Variants in MRPS25 observed in about 807,000 individuals in gnomAD.
MRPS25 encodes the protein mitochondrial ribosomal protein S25.
In MRPS25, 15 loss-of-function variants were observed where a neutral mutation model predicts 17.3. The observed-to-expected ratio is 0.87, with a 90% CI of 0.58 to 1.34. MRPS25 has a LOEUF of 1.34. Ranked by LOEUF, MRPS25 falls within the 40% of genes most tolerant of loss-of-function variation. The pLI, the probability that MRPS25 is intolerant of heterozygous loss-of-function variation, is 0.00. For missense variants in MRPS25, 225 were observed against 218.6 expected (o/e 1.03, Z -0.19); for synonymous variants, 94 against 83.3 (o/e 1.13, Z -0.70).
In MRPS25 at chr3:15,065,268, G is replaced by C; in HGVS notation, c.-74C>G. The C allele has an allele frequency of 2.1e-6, 3 of 1,462,204 alleles. No individual in the cohort carries two copies. The highest frequency in any genetic ancestry group is 2.7e-6 in the Non-Finnish European group (3 of 1,105,506). 90.6% of individuals were successfully genotyped at this position (1,462,204 alleles called of 1,614,324 possible). ...GACGAGAAAGGACTAGCTAGCACCC[G>C]CGCGGATCTCACGCGGCTTCTCCCC... On this transcript the variant is annotated 5_prime_UTR_variant, in exon 1 of 4. Coordinates refer to ENST00000253686, the MANE Select transcript of MRPS25 (RefSeq NM_022497.5).
chr3:15,044,513 A>C (rs1353751828), downstream of MRPS25: 1 of 152,250 alleles, frequency 6.6e-6, no homozygotes, highest in Non-Finnish European at 1.5e-5. Flanking sequence ...ACGGATGTGA[A>C]TATATAGCAA....
chr3:15,057,908 A>G (rs1332306279), intron 2 of MRPS25, among the ~76,000 whole-genome samples: 1 of 152,126 alleles, frequency 6.6e-6, no homozygotes, highest in Non-Finnish European at 1.5e-5. Flanking sequence ...TTTATTAGAC[A>G]GTGTCTCACT....
rs2042632685 is a variant in MRPS25 at position 15,053,452 on chromosome 3, A to ATT, written c.256_257insAA (p.Val86GlufsTer75). The ATT allele has an allele frequency of 1.9e-6, 3 of 1,614,160 alleles. No homozygotes were observed. The highest frequency in any genetic ancestry group is 2.5e-6 in the Non-Finnish European group (3 of 1,180,032). On this transcript the variant is annotated frameshift_variant, in exon 3 of 4. Coordinates refer to ENST00000253686, the MANE Select transcript of MRPS25 (RefSeq NM_022497.5). LOFTEE classifies it high-confidence loss of function. ...GCTCTTGGTCTCCACATCCACCAGG[A>ATT]CCTGCTCCCCAGAATCTGGAAACGG...
chr3:15,061,200 G>C (rs891939137), intron 1 of MRPS25, among the ~76,000 whole-genome samples: 1 of 152,104 alleles, frequency 6.6e-6, no homozygotes, highest in Admixed American at 6.5e-5. Flanking sequence ...CTCTCCCTCT[G>C]CCTCTCCGTC....
At chr3:15,062,549 C>G (rs1157128969) in intron 1 of MRPS25, among the ~76,000 whole-genome samples, 2 of 151,212 alleles carry the variant, frequency 1.3e-5, no homozygotes, top group African/African-American at 4.9e-5. Context: ...TGCCCGGCCA[C>G]CACCCCATCT....
intron 1 of MRPS25, among the ~76,000 whole-genome samples, chr3:15,060,178 T>C (rs542197190): frequency 3.9e-4 from 60 of 152,184 alleles, no homozygotes; most frequent in African/African-American, 1.3e-3. Flanking sequence ...AGACATTCCA[T>C]AGTGACAAGT....
At position 15,050,853 on chromosome 3, in the gene MRPS25, C is replaced by A; in HGVS notation, c.*1588G>T. 1.7e-5 allele frequency: 17 copies of A among 985,334 alleles called. No individual in the cohort carries two copies. Among genetic ancestry groups the A allele is most frequent in the Non-Finnish European group, 1.9e-5 (16 of 829,920 alleles). 61.0% of individuals were successfully genotyped at this position (985,334 alleles called of 1,614,324 possible). On this transcript the variant is annotated 3_prime_UTR_variant, in exon 4 of 4. Coordinates refer to ENST00000253686, the MANE Select transcript of MRPS25 (RefSeq NM_022497.5). Reference sequence around the variant, plus strand: ...AGCATCAAATGTAAAAGATCCAAATCTGCTCAATTTAATGTGATAATCTCC... The same window carrying A: ...AGCATCAAATGTAAAAGATCCAAATATGCTCAATTTAATGTGATAATCTCC...
chr3:15,056,036 A>AC (rs1252579490), intron 2 of MRPS25, among the ~76,000 whole-genome samples: 1 of 151,910 alleles, frequency 6.6e-6, no homozygotes, highest in East Asian at 1.9e-4. Context: ...ACACCGTGAA[A>AC]CCCCGTCTCT....
At position 15,050,370 on chromosome 3, in the gene MRPS25, A is replaced by T. The variant is rs1258377420; in HGVS notation, c.*2071T>A. The stretch of plus-strand genomic sequence containing the variant: ...GGGACCAGACATTTATTCTGTCTAG[A>T]GAATGGTCACCACTCCTTTTGGTTC... On this transcript the variant is annotated 3_prime_UTR_variant, in exon 4 of 4. Transcript: ENST00000253686. The T allele has an allele frequency of 9.7e-7, 1 of 1,033,520 alleles. No individual in the cohort carries two copies. Among genetic ancestry groups the T allele is most frequent in the African/African-American group, 1.7e-5 (1 of 57,482 alleles). 64.0% of individuals were successfully genotyped at this position (1,033,520 alleles called of 1,614,324 possible). A position where few individuals can be genotyped will look rare whatever the true frequency, so the allele number is the denominator to read the frequency against.
chr3:15,049,797 C>T lies in MRPS25; in HGVS notation c.*2644G>A. 1.2e-6 allele frequency: 1 copy of T among 828,852 alleles called. No homozygotes were observed. Among genetic ancestry groups the T allele is most frequent in the Non-Finnish European group, 1.9e-6 (1 of 520,222 alleles). 51.3% of individuals were successfully genotyped at this position (828,852 alleles called of 1,614,324 possible). ...GCAGATAGGGCCTCACTCCGTCACC[C>T]AGGCTGGAATGCAGTGGTACAGTCA... On this transcript the variant is annotated 3_prime_UTR_variant, in exon 4 of 4. Transcript: ENST00000253686.
chr3:15,043,146 A>T (rs2042330194), downstream of MRPS25: 1 of 670,176 alleles, frequency 1.5e-6, no homozygotes, highest in South Asian at 4.8e-5. Context: ...TTATCTGTTA[A>T]TCCCAGACAA....
chr3:15,048,187 T>G (rs1048646122), downstream of MRPS25: 2 of 152,666 alleles, frequency 1.3e-5, no homozygotes, highest in African/African-American at 2.4e-5. Flanking sequence ...CAGTGGGTCA[T>G]TTAGCCTTCA....
At chr3:15,057,105 G>C (rs1040634388) in intron 2 of MRPS25, among the ~76,000 whole-genome samples, 1 of 152,192 alleles carries the variant, frequency 6.6e-6, no homozygotes, top group African/African-American at 2.4e-5. Context: ...GGACCTCCCA[G>C]GAGTTGCCGC....
At chr3:15,059,846 G>C (rs2042725900) in intron 1 of MRPS25, among the ~76,000 whole-genome samples, 1 of 152,122 alleles carries the variant, frequency 6.6e-6, no homozygotes, top group Non-Finnish European at 1.5e-5. Context: ...ACCGTATCTA[G>C]GTTATACCAC....
chr3:15,053,501 A>G, intron 2 of MRPS25, 34 bp from the exon 3 acceptor site: 1 of 1,613,904 alleles, frequency 6.2e-7, no homozygotes, highest in Non-Finnish European at 8.5e-7. Flanking sequence ...GAAGAGAAAC[A>G]GAACTCACAG....
At chr3:15,064,930 T>C (rs1287273893) in intron 1 of MRPS25, 131 bp downstream of exon 1, 1 of 1,183,312 alleles carries the variant, frequency 8.5e-7, no homozygotes, top group East Asian at 2.7e-5. Context: ...AAAATGGGGG[T>C]AACAGCGCCG....
At chr3:15,047,423 T>C (rs1396601470), downstream of MRPS25, 5 of 152,188 alleles carry the variant, frequency 3.3e-5, no homozygotes, top group African/African-American at 9.7e-5. Flanking sequence ...TATCCAAAAC[T>C]AAGTGGGAAT....
intron 1 of MRPS25, among the ~76,000 whole-genome samples, chr3:15,064,356 C>A (rs920776044): frequency 6.6e-6 from 1 of 152,132 alleles, no homozygotes; most frequent in African/African-American, 2.4e-5. Context: ...CTGCTCCAAG[C>A]TGAAAGACAT....
chr3:15,046,806 T>TG (rs1399806792), downstream of MRPS25: 1 of 152,694 alleles, frequency 6.5e-6, no homozygotes, highest in African/African-American at 2.4e-5. Context: ...GCAGAGCAGA[T>TG]GCCCCACGTG....
Sources: gnomAD v4.1 joint callset for allele counts (sites outside exome capture counted in the v4.1 genomes callset) on GRCh38, gnomAD v4.1.1 for gene constraint, MANE v1.5 for transcripts, NCBI Gene and HGNC (gene_info 2026-07-23, HGNC 2026-07-21) for gene names.